Variants in LYPD3 observed in about 807,000 individuals in gnomAD.
The protein encoded by LYPD3 is LY6/PLAUR domain containing 3, also known as ly6/PLAUR domain-containing protein 3.
LYPD3 carries 22 observed loss-of-function variants against 21.7 expected under a neutral mutation model. The observed-to-expected ratio is 1.01, with a 90% CI of 0.72 to 1.45. LYPD3 has a LOEUF of 1.45. Ranked by LOEUF, LYPD3 falls within the 40% of genes most tolerant of loss-of-function variation. LYPD3 has a pLI of 0.00. For missense variants in LYPD3, 471 were observed against 466.9 expected (o/e 1.01, Z -0.08); for synonymous variants, 179 against 203.0 (o/e 0.88, Z 1.00).
chr19:43,463,325 G>C (rs755287804), intron 3 of LYPD3, 38 bp from the exon 4 acceptor site: 1 of 1,596,988 alleles, frequency 6.3e-7, no homozygotes, highest in Non-Finnish European at 8.5e-7. Flanking sequence ...GGTGTCGAAA[G>C]GGTTCGGGAA....
chr19:43,463,098 T>G (rs374550002), intron 4 of LYPD3, 28 bp downstream of exon 4: 57 of 1,609,026 alleles, frequency 3.5e-5, no homozygotes, highest in Non-Finnish European at 4.7e-5. Context: ...ACAACTCCCG[T>G]AGGTCCCGTG....
rs1380800367 is a variant in LYPD3 at position 43,463,148 on chromosome 19, G to A, written c.522C>T (p.Asp174=). The A allele has an allele frequency of 6.2e-6, 10 of 1,612,170 alleles. No individual in the cohort carries two copies. The highest frequency in any genetic ancestry group is 8.5e-6 in the Non-Finnish European group (10 of 1,180,002). The change falls in exon 4 of 5, where the codon GAC becomes GAT. Residue 174 remains aspartate (D), a synonymous_variant. Coordinates refer to ENST00000244333, the MANE Select transcript of LYPD3 (RefSeq NM_014400.3). ...ASDHVYKGCF[D]GNVTLTAANV... is the part of the protein sequence containing the mutation. ...CACCTGCCGTCAAGGTGACGTTGCC[G>A]TCGAAGCAGCCCTTGTAGACATGAT... is the stretch of plus-strand genomic sequence containing the variant.
chr19:43,464,273 C>T (rs893330847), intron 2 of LYPD3, 52 bp downstream of exon 2: 7 of 1,551,122 alleles, frequency 4.5e-6, no homozygotes, highest in Non-Finnish European at 6.1e-6. Flanking sequence ...GGAGGCGGGG[C>T]TGGGCCGGAG....
chr19:43,465,222 C>T (rs750687119), intron 1 of LYPD3, among the ~76,000 whole-genome samples: 1 of 152,206 alleles, frequency 6.6e-6, no homozygotes, highest in Admixed American at 6.5e-5. Context: ...CCACCGCGCC[C>T]GGCCTAGGAA....
Position 43,461,318 on chromosome 19 carries a change from G to A in LYPD3, c.*33C>T. 4 of 1,550,810 alleles carry A rather than the reference G, an allele frequency of 2.6e-6. No individual in the cohort carries two copies. Among genetic ancestry groups the A allele is most frequent in the Non-Finnish European group, 3.5e-6 (4 of 1,146,502 alleles). ...AAGAGGGGTACCCAGGGCCAGAGAA[G>A]TAGGTGAGAGGGAAATTTCCAGGTG... On this transcript the variant is annotated 3_prime_UTR_variant, in exon 5 of 5. Coordinates refer to ENST00000244333, the MANE Select transcript of LYPD3 (RefSeq NM_014400.3).
chr19:43,463,804 G>A (rs370002142), intron 2 of LYPD3, 35 bp from the exon 3 acceptor site: 1 of 1,607,266 alleles, frequency 6.2e-7, no homozygotes, highest in African/African-American at 1.3e-5. Context: ...TTAGCTGTGG[G>A]CGTGGTCTCA....
chr19:43,465,411 C>A, intron 1 of LYPD3, 82 bp downstream of exon 1: 1 of 1,484,476 alleles, frequency 6.7e-7, no homozygotes, highest in Non-Finnish European at 9.2e-7. Flanking sequence ...CTTCCCACAG[C>A]CTTCTCTGTA....
At chr19:43,463,814 A>G (rs574160492) in intron 2 of LYPD3, 45 bp from the exon 3 acceptor site, 1 of 1,580,734 alleles carries the variant, frequency 6.3e-7, no homozygotes, top group Admixed American at 1.7e-5. Flanking sequence ...GCGTGGTCTC[A>G]GATGGGGCGT....
rs2293034 is a variant in LYPD3 at position 43,464,277 on chromosome 19, G to A, written c.211+48C>T. The A allele has an allele frequency of 2.5e-4, 395 of 1,555,192 alleles. 2 individuals carry two copies. In the East Asian group the frequency reaches 8.0e-3, roughly 32 times the overall value. On this transcript the variant is annotated intron_variant, in intron 2 of 4. Coordinates refer to ENST00000244333, the MANE Select transcript of LYPD3 (RefSeq NM_014400.3). Reference sequence around the variant, plus strand: ...AAGGACTATAAGGAGGCGGGGCTGGGCCGGAGGAGCCTGCAGTGGTGTGCG... The same window carrying A: ...AAGGACTATAAGGAGGCGGGGCTGGACCGGAGGAGCCTGCAGTGGTGTGCG...
Position 43,461,428 on chromosome 19 carries a change from G to A in LYPD3, c.964C>T (p.His322Tyr). Residue 322 changes from histidine to tyrosine, a missense_variant, in exon 5 of 5, where the codon CAT (histidine) becomes TAT (tyrosine). Coordinates refer to ENST00000244333, the MANE Select transcript of LYPD3 (RefSeq NM_014400.3). ...GTGGGAGCCACACAGCCTTTATTAT[G>A]GGGCTGCTGGGGCCCCCCTTTTGCA... ...YPAKGGPQQP[H>Y]NKGCVAPTAG... is the part of the protein sequence containing the mutation. The A allele has an allele frequency of 6.2e-7, 1 of 1,614,102 alleles. No homozygotes were observed. The highest frequency in any genetic ancestry group is 8.5e-7 in the Non-Finnish European group (1 of 1,179,962).
chr19:43,464,569 A>G, intron 1 of LYPD3, 113 bp from the exon 2 acceptor site: 1 of 1,383,536 alleles, frequency 7.2e-7, no homozygotes, highest in Non-Finnish European at 1.0e-6. Flanking sequence ...CTTATTGCAC[A>G]CACTTTTCCA....
At chr19:43,462,376 TCCACA>T (rs1970783051) in intron 4 of LYPD3, among the ~76,000 whole-genome samples, 1 of 152,040 alleles carries the variant, frequency 6.6e-6, no homozygotes, top group Non-Finnish European at 1.5e-5. Flanking sequence ...GAGTTACATC[TCCACA>T]CCAGGCTCAG....
chr19:43,464,234 G>A, intron 2 of LYPD3, 91 bp downstream of exon 2: 1 of 1,489,686 alleles, frequency 6.7e-7, no homozygotes, highest in Non-Finnish European at 9.0e-7. Flanking sequence ...GCGTTAAAGG[G>A]GCGTGGCCAG....
In LYPD3 at chr19:43,465,568, C is replaced by A; in HGVS notation, c.4G>T (p.Asp2Tyr). ...TGGGCACCTGCTTTCCTGGCGGGGT[C>A]CATGGCTCCGTCCTGCTCCCTTGGC... M[D>Y]PARKAGAQAM... is the part of the protein sequence containing the mutation. The change falls in exon 1 of 5, where the codon GAC (aspartate) becomes TAC (tyrosine). Residue 2 changes from aspartate to tyrosine, a missense_variant. Physicochemically the swap from Asp to Tyr is radical, Grantham distance 160. Transcript: ENST00000244333. 1 of 1,609,876 alleles carries A rather than the reference C, an allele frequency of 6.2e-7. No homozygotes were observed. Among genetic ancestry groups the A allele is most frequent in the Non-Finnish European group, 8.5e-7 (1 of 1,179,948 alleles).
Position 43,461,371 on chromosome 19 carries a change from C to T in LYPD3, c.1021G>A (p.Ala341Thr), listed in dbSNP as rs1157092780. 6.2e-7 allele frequency: 1 copy of T among 1,605,812 alleles called. No homozygotes were observed. The highest frequency in any genetic ancestry group is 1.7e-5 in the Admixed American group (1 of 59,058). The change falls in exon 5 of 5, where the codon GCT becomes ACT. Residue 341 changes from alanine (A) to threonine (T), a missense_variant. Transcript: ENST00000244333. ...AGLAALLLAV[A>T]AGVLL ...GAAGCTCACAGTAGGACACCAGCAG[C>T]CACGGCCAACAGAAGGGCTGCCAAT...
Position 43,463,287 on chromosome 19 carries a change from C to T in LYPD3, c.383G>A (p.Gly128Asp), listed in dbSNP as rs555284475. 1.2e-6 allele frequency: 2 copies of T among 1,601,238 alleles called. No individual in the cohort carries two copies. The highest frequency in any genetic ancestry group is 1.1e-5 in the South Asian group (1 of 91,084). Residue 128 changes from glycine to aspartate, a missense_variant and splice_region_variant, in exon 4 of 5, where the codon GGT (glycine) becomes GAT (aspartate). Transcript: ENST00000244333. ...NLTSRALDPA[G>D]NESAYPPNGV... ...GTTGGGCGGGTATGCACTCTCATTA[C>T]CTGCGAGGGGAGCCGAGAGGAAGAA...
In LYPD3 at chr19:43,465,500, AAGCAGCAGC is replaced by A. The variant is rs761140699; in HGVS notation, c.63_71del (p.Leu22_Leu24del). ...TCCGGGCAGCAGACCCACCTCCGCG[AAGCAGCAGC>A]AGCAGCAGCCAGCCTGCAGTCCAGA... is the stretch of plus-strand genomic sequence containing the variant. On this transcript the variant is annotated inframe_deletion, in exon 1 of 5. Coordinates refer to ENST00000244333, the MANE Select transcript of LYPD3 (RefSeq NM_014400.3). 6.2e-7 allele frequency: 1 copy of A among 1,608,934 alleles called. No individual in the cohort carries two copies. Among genetic ancestry groups the A allele is most frequent in the Non-Finnish European group, 8.5e-7 (1 of 1,179,624 alleles).
At position 43,463,787 on chromosome 19, in the gene LYPD3, G is replaced by A. The variant is rs1321511936; in HGVS notation, c.212-18C>T. The A allele has an allele frequency of 1.9e-6, 3 of 1,611,084 alleles. No homozygotes were observed. Among genetic ancestry groups the A allele is most frequent in the East Asian group, 4.5e-5 (2 of 44,888 alleles). On this transcript the variant is annotated intron_variant, in intron 2 of 4. Coordinates refer to ENST00000244333, the MANE Select transcript of LYPD3 (RefSeq NM_014400.3). ...TCCGTGGACTAGGGAGAGGGACAAG[G>A]GCGGGATTAGCTGTGGGCGTGGTCT...
In LYPD3 at chr19:43,464,008, A is replaced by G. The variant is rs548634512; in HGVS notation, c.212-239T>C. On this transcript the variant is annotated intron_variant, in intron 2 of 4. Transcript: ENST00000244333. Reference sequence around the variant, plus strand: ...GAACCTCAAAGAGCTGAGTCGGAGGAGACAGCCTGGTTGACAGGCAGGGAT... The same window carrying G: ...GAACCTCAAAGAGCTGAGTCGGAGGGGACAGCCTGGTTGACAGGCAGGGAT... 1.3e-4 allele frequency: 80 copies of G among 617,266 alleles called. No individual in the cohort carries two copies. In the African/African-American group the frequency reaches 1.4e-3, roughly 11 times the overall value. 38.2% of individuals were successfully genotyped at this position (617,266 alleles called of 1,614,324 possible).
Sources: gnomAD v4.1 joint callset for allele counts (sites outside exome capture counted in the v4.1 genomes callset) on GRCh38, gnomAD v4.1.1 for gene constraint, MANE v1.5 for transcripts, NCBI Gene and HGNC (gene_info 2026-07-23, HGNC 2026-07-21) for gene names.